ANXA10: variants seen among roughly 807,000 people sequenced by gnomAD.
The protein encoded by ANXA10 is annexin 14.
In ANXA10, 49 loss-of-function variants were observed where a neutral mutation model predicts 53.5. The observed-to-expected ratio is 0.92, with a 90% CI of 0.73 to 1.16. The LOEUF (loss-of-function observed/expected upper bound fraction) is 1.16. Ranked by LOEUF, ANXA10 falls within the 50% of genes most tolerant of loss-of-function variation. ANXA10 has a pLI of 0.00. For synonymous variants in ANXA10, 131 were observed against 128.9 expected, an observed-to-expected ratio of 1.02 and a Z score of -0.11; for missense variants, 393 against 394.4, an observed-to-expected ratio of 1.00 and a Z score of 0.03.
chr4:168,140,900 G>A (rs546156333), intron 3 of ANXA10, among the ~76,000 whole-genome samples: 6 of 152,302 alleles, frequency 3.9e-5, no homozygotes, highest in South Asian at 4.1e-4. Context: ...GATTACAGGC[G>A]TGAGCCACTG....
At chr4:168,175,845 T>A (rs547309678) in intron 6 of ANXA10, among the ~76,000 whole-genome samples, 1 of 152,312 alleles carries the variant, frequency 6.6e-6, no homozygotes, top group South Asian at 2.1e-4. Context: ...TACACATTTA[T>A]GCAAAAATGG....
intron 1 of ANXA10, 37 bp downstream of exon 1, chr4:168,092,755 C>CT: frequency 6.8e-7 from 1 of 1,478,660 alleles, no homozygotes; most frequent in Non-Finnish European, 9.0e-7. Context: ...GCTTTTCACT[C>CT]TTTTGAAACT....
chr4:168,149,360 G>A (rs528938736), intron 3 of ANXA10, among the ~76,000 whole-genome samples: 2 of 152,232 alleles, frequency 1.3e-5, no homozygotes, highest in African/African-American at 4.8e-5. Flanking sequence ...ACTTTAAAAT[G>A]TATTTTCCCA....
chr4:168,145,216 T>C (rs1006603057), intron 3 of ANXA10, among the ~76,000 whole-genome samples: 2 of 152,166 alleles, frequency 1.3e-5, no homozygotes, highest in Admixed American at 1.3e-4. Flanking sequence ...CTAGGTTTTA[T>C]AATACTGATG....
intron 9 of ANXA10, among the ~76,000 whole-genome samples, chr4:168,180,781 C>A (rs1318137973): frequency 1.3e-5 from 2 of 152,282 alleles, no homozygotes; most frequent in East Asian, 3.9e-4. Flanking sequence ...ATTACCTATT[C>A]ATGTATTAAT....
Position 168,149,024 on chromosome 4 carries a change from G to A in ANXA10, c.195+9444G>A, listed in dbSNP as rs184582339. Among the ~76,000 whole-genome samples, 4 of 151,958 alleles carry A rather than the reference G, an allele frequency of 2.6e-5. No homozygotes were observed. In the East Asian group the frequency reaches 7.7e-4, roughly 29 times the overall value. ...GAGAAAACTCTTCTGACATCAAGAG[G>A]TATTATTTTGTTTGTTTTGATCCTT... is the stretch of plus-strand genomic sequence containing the variant. On this transcript the variant is annotated intron_variant, in intron 3 of 11. Coordinates refer to ENST00000359299, the MANE Select transcript of ANXA10 (RefSeq NM_007193.5).
At chr4:168,118,178 G>A (rs1255936395) in intron 1 of ANXA10, among the ~76,000 whole-genome samples, 2 of 151,722 alleles carry the variant, frequency 1.3e-5, no homozygotes, top group Non-Finnish European at 2.9e-5. Context: ...TAAGGATTGA[G>A]GACTATTGTA....
At chr4:168,140,942 C>CT (rs980744050) in intron 3 of ANXA10, among the ~76,000 whole-genome samples, 6 of 152,088 alleles carry the variant, frequency 3.9e-5, no homozygotes, top group Non-Finnish European at 7.4e-5. Flanking sequence ...TTTTAAGTAA[C>CT]TTTTTTTTAA....
intron 10 of ANXA10, among the ~76,000 whole-genome samples, chr4:168,182,507 G>A (rs1406099684): frequency 6.7e-6 from 1 of 148,752 alleles, no homozygotes; most frequent in South Asian, 2.1e-4. Flanking sequence ...ATTTTGTTTT[G>A]TGTTTTTAGT....
At chr4:168,182,318 ATTTTTTTTTTTTTTT>A (rs542260478) in intron 10 of ANXA10, among the ~76,000 whole-genome samples, 7 of 49,754 alleles carry the variant, frequency 1.4e-4, no homozygotes, top group South Asian at 2.2e-3. Flanking sequence ...TGGAGCATTA[ATTTTTTTTTTTTTTT>A]TTTTTTTTTT....
intron 1 of ANXA10, among the ~76,000 whole-genome samples, chr4:168,109,908 G>A (rs1295302721): frequency 6.6e-6 from 1 of 152,160 alleles, no homozygotes; most frequent in Non-Finnish European, 1.5e-5. Flanking sequence ...TTACTATAAT[G>A]CATCAATAAA....
chr4:168,184,074 A>T (rs1732313711), intron 10 of ANXA10, among the ~76,000 whole-genome samples: 1 of 152,216 alleles, frequency 6.6e-6, no homozygotes, highest in South Asian at 2.1e-4. Context: ...AATGATGACA[A>T]GAAAATAAAA....
intron 1 of ANXA10, among the ~76,000 whole-genome samples, chr4:168,120,935 C>A (rs1015663522): frequency 2.0e-5 from 3 of 151,928 alleles, no homozygotes; most frequent in African/African-American, 7.2e-5. Context: ...GCTTCATATC[C>A]AGATCTAGGA....
chr4:168,172,429 G>A (rs1037166760), intron 6 of ANXA10, among the ~76,000 whole-genome samples: 5 of 152,228 alleles, frequency 3.3e-5, no homozygotes, highest in African/African-American at 1.2e-4. Flanking sequence ...CTTAGCTATA[G>A]AAGCTGAAGA....
intron 1 of ANXA10, among the ~76,000 whole-genome samples, chr4:168,114,239 C>T (rs781064378): frequency 2.0e-5 from 3 of 151,858 alleles, no homozygotes; most frequent in Non-Finnish European, 2.9e-5. Flanking sequence ...TCTTTCATTG[C>T]TCTGCTATCT....
At chr4:168,111,479 G>A (rs929821227) in intron 1 of ANXA10, among the ~76,000 whole-genome samples, 1 of 152,088 alleles carries the variant, frequency 6.6e-6, no homozygotes, top group Admixed American at 6.6e-5. Context: ...AAAATTGACA[G>A]GGAAGATACA....
chr4:168,144,557 C>A (rs955100210), intron 3 of ANXA10, among the ~76,000 whole-genome samples: 15 of 152,286 alleles, frequency 9.8e-5, no homozygotes, highest in African/African-American at 3.6e-4. Flanking sequence ...TTTTTTCTAT[C>A]ATTTCCAACT....
chr4:168,109,557 A>C (rs1386874816), intron 1 of ANXA10, among the ~76,000 whole-genome samples: 1 of 152,176 alleles, frequency 6.6e-6, no homozygotes, highest in Non-Finnish European at 1.5e-5. Flanking sequence ...AGTTAGTATT[A>C]TTTTTTAAAA....
chr4:168,144,587 T>C (rs911160526), intron 3 of ANXA10, among the ~76,000 whole-genome samples: 3 of 152,202 alleles, frequency 2.0e-5, no homozygotes, highest in Non-Finnish European at 4.4e-5. Flanking sequence ...AACTTTAATA[T>C]GGAATGGTCA....
Sources: gnomAD v4.1 joint callset for allele counts (sites outside exome capture counted in the v4.1 genomes callset) on GRCh38, gnomAD v4.1.1 for gene constraint, MANE v1.5 for transcripts, NCBI Gene and HGNC (gene_info 2026-07-23, HGNC 2026-07-21) for gene names.